ANK1: variants seen among roughly 807,000 people sequenced by gnomAD.
The protein encoded by ANK1 is ankyrin 1.
In ANK1, 51 loss-of-function variants were observed where a neutral mutation model predicts 210.4. The ratio of observed to expected loss-of-function variants is 0.24; its 90% confidence interval spans 0.19 to 0.31. The LOEUF (loss-of-function observed/expected upper bound fraction) is 0.31, where lower values mean the gene tolerates loss of function less well. Among genes scored for constraint, ANK1 ranks in the 10% least tolerant of loss-of-function variants. The pLI is 1.00. For synonymous variants in ANK1, 967 were observed against 1,025.9 expected (o/e 0.94, Z 1.10); for missense variants, 2,051 against 2,504.4 (o/e 0.82, Z 3.86).
chr8:41,735,411 C>A (rs995174216), intron 2 of ANK1, among the ~76,000 whole-genome samples: 1 of 152,148 alleles, frequency 6.6e-6, no homozygotes, highest in Non-Finnish European at 1.5e-5. Flanking sequence ...CCCCTCCTGT[C>A]CTCCTCCTCC....
chr8:41,819,318 G>A lies in ANK1; in HGVS notation c.127-61181C>T, dbSNP rs528411382. Among the ~76,000 whole-genome samples the A allele has an allele frequency of 3.3e-5, 5 of 152,290 alleles. No homozygotes were observed. The East Asian group carries it at 7.7e-4, about 23-fold the overall frequency. Reference sequence around the variant, plus strand: ...CGAGACTGTAACACTAGGATTACAGGCTGAGCCACCCCACTCAGCTCCAAT... The same window carrying A: ...CGAGACTGTAACACTAGGATTACAGACTGAGCCACCCCACTCAGCTCCAAT... On this transcript the variant is annotated intron_variant, in intron 1 of 42. Coordinates refer to the ANK1 transcript ENST00000265709.
Position 41,691,797 on chromosome 8 carries a change from A to C in ANK1, c.3858+851T>G, listed in dbSNP as rs545467697. On this transcript the variant is annotated intron_variant, in intron 31 of 42. Coordinates refer to ENST00000289734, the MANE Select transcript of ANK1 (RefSeq NM_000037.4). ...GCCTCAGTTTCTTAATACACAAATA[A>C]GGGATAATAAAGGTACCCATAAATA... Among the ~76,000 whole-genome samples, 3 of 152,356 alleles carry C rather than the reference A, an allele frequency of 2.0e-5. No homozygotes were observed. In the South Asian group the frequency reaches 6.2e-4, roughly 32 times the overall value.
At chr8:41,726,872 G>A (rs55896832) in intron 5 of ANK1, among the ~76,000 whole-genome samples, 2 of 152,184 alleles carry the variant, frequency 1.3e-5, no homozygotes, top group Non-Finnish European at 2.9e-5. Flanking sequence ...CAGGACCATA[G>A]CTAATGAGAC....
chr8:41,748,322 C>A (rs1456679766), intron 2 of ANK1, among the ~76,000 whole-genome samples: 1 of 152,194 alleles, frequency 6.6e-6, no homozygotes, highest in African/African-American at 2.4e-5. Flanking sequence ...CGGGGTGCAG[C>A]TAGGATCAGA....
chr8:41,752,805 C>CCCCT (rs1554597046), intron 2 of ANK1, among the ~76,000 whole-genome samples: 2 of 151,516 alleles, frequency 1.3e-5, no homozygotes, highest in Non-Finnish European at 1.5e-5. Flanking sequence ...CAGGCCCCCC[C>CCCCT]CCACTGCACC....
chr8:41,832,287 A>G (rs1034388305), intron 1 of ANK1, among the ~76,000 whole-genome samples: 1 of 152,068 alleles, frequency 6.6e-6, no homozygotes, highest in Admixed American at 6.5e-5. Flanking sequence ...AAGTTAACCC[A>G]CGTTCCCTGG....
At chr8:41,753,885 C>T (rs1310404816) in intron 2 of ANK1, among the ~76,000 whole-genome samples, 1 of 152,196 alleles carries the variant, frequency 6.6e-6, no homozygotes, top group Non-Finnish European at 1.5e-5. Flanking sequence ...CTTTCTCTGC[C>T]TCTGGGGCTT....
chr8:41,680,545 AC>A (rs1456120399), intron 37 of ANK1, among the ~76,000 whole-genome samples: 2 of 149,468 alleles, frequency 1.3e-5, no homozygotes, highest in African/African-American at 5.0e-5. Context: ...AGCCAGGGCA[AC>A]AAGGGTGAAA....
intron 1 of ANK1, among the ~76,000 whole-genome samples, chr8:41,791,917 G>GT (rs1045844153): frequency 1.6e-3 from 14 of 8,602 alleles, no homozygotes; most frequent in African/African-American, 0.014. Context: ...GAGAAGGGCT[G>GT]GGGTCAGAAG....
chr8:41,714,186 G>A lies in ANK1; in HGVS notation c.1770C>T (p.Pro590=). 1.4e-6 allele frequency: 2 copies of A among 1,467,700 alleles called. No homozygotes were observed. The highest frequency in any genetic ancestry group is 1.8e-6 in the Non-Finnish European group (2 of 1,094,000). 90.9% of individuals were successfully genotyped at this position (1,467,700 alleles called of 1,614,324 possible). The change falls in exon 16 of 43, where the codon CCC becomes CCT. Residue 590 remains proline, a synonymous_variant. Transcript: ENST00000289734. ...NNLDIVKLLL[P]RGGSPHSPAW... Reference sequence around the variant, plus strand: ...CAGGGCTGTGCGGGGAGCCGCCCCGGGGAAGCAGCAGCTTGACGATGTCCA... The same window carrying A: ...CAGGGCTGTGCGGGGAGCCGCCCCGAGGAAGCAGCAGCTTGACGATGTCCA...
At position 41,758,006 on chromosome 8, in the gene ANK1, A is replaced by G. The variant is rs760504831; in HGVS notation, c.129+30T>C. ...GCATCAGGCAAGAGCTACTCTTCAG[A>G]GACAACAGGCCTGCCTCCATCCCAC... On this transcript the variant is annotated intron_variant, in intron 2 of 42. Coordinates refer to ENST00000289734, the MANE Select transcript of ANK1 (RefSeq NM_000037.4). 5.1e-6 allele frequency: 8 copies of G among 1,584,040 alleles called. No homozygotes were observed. In the East Asian group the frequency reaches 1.8e-4, roughly 35 times the overall value.
In ANK1 at chr8:41,838,495, G is replaced by C. The variant is rs117497484; in HGVS notation, c.126+57860C>G. Among the ~76,000 whole-genome samples, 531 of 152,340 alleles carry C rather than the reference G, an allele frequency of 3.5e-3. 1 individual carries two copies. Among genetic ancestry groups the C allele is most frequent in the Non-Finnish European group, 5.7e-3 (387 of 68,028 alleles). On this transcript the variant is annotated intron_variant, in intron 1 of 42. Transcript: ENST00000265709. ...AAGATGTAACAATGGGCTGGGCATG[G>C]TGGCTCACGTCTGTAATTGCAGCAC...
At chr8:41,719,303 C>A (rs1828601941) in intron 10 of ANK1, among the ~76,000 whole-genome samples, 1 of 152,198 alleles carries the variant, frequency 6.6e-6, no homozygotes, top group African/African-American at 2.4e-5. Context: ...GAAAGCCACG[C>A]AGCCTCTAAG....
chr8:41,808,282 T>A (rs576579297), intron 1 of ANK1, among the ~76,000 whole-genome samples: 1 of 152,278 alleles, frequency 6.6e-6, no homozygotes, highest in South Asian at 2.1e-4. Context: ...TCCTGACAGC[T>A]CCTTGTCTAG....
At chr8:41,656,864 G>A (rs562271174) in intron 42 of ANK1, among the ~76,000 whole-genome samples, 4 of 152,170 alleles carry the variant, frequency 2.6e-5, no homozygotes, top group African/African-American at 9.7e-5. Context: ...TTCCTTGCCA[G>A]GGGCTGCTGT....
chr8:41,777,531 C>G (rs1294805553), intron 1 of ANK1, among the ~76,000 whole-genome samples: 1 of 152,170 alleles, frequency 6.6e-6, no homozygotes, highest in South Asian at 2.1e-4. Context: ...GCTGAGATCA[C>G]GGCACTGCAC....
chr8:41,778,997 C>T (rs1174007891), intron 1 of ANK1, among the ~76,000 whole-genome samples: 1 of 152,070 alleles, frequency 6.6e-6, no homozygotes, highest in South Asian at 2.1e-4. Context: ...GAAAATCAAA[C>T]GTGGAGTGGG....
At chr8:41,789,449 G>T (rs1382427931) in intron 1 of ANK1, among the ~76,000 whole-genome samples, 1 of 152,224 alleles carries the variant, frequency 6.6e-6, no homozygotes, top group African/African-American at 2.4e-5. Context: ...ATCTGATGGA[G>T]GATAAAGTCC....
rs150917927 is a variant in ANK1, at chr8:41,886,201, C to T, written c.126+10154G>A. Among the ~76,000 whole-genome samples the T allele has an allele frequency of 2.6e-5, 4 of 152,348 alleles. No homozygotes were observed. The East Asian group carries it at 7.7e-4, about 29-fold the overall frequency. On this transcript the variant is annotated intron_variant, in intron 1 of 42. Transcript: ENST00000265709. ...CCTAGGTCCACAGCCTGCTAATGCT[C>T]ATGTCTTGGATTTTATGGGCAGCCC...
Sources: gnomAD v4.1 joint callset for allele counts (sites outside exome capture counted in the v4.1 genomes callset) on GRCh38, gnomAD v4.1.1 for gene constraint, MANE v1.5 for transcripts, NCBI Gene and HGNC (gene_info 2026-07-23, HGNC 2026-07-21) for gene names.